The following SIRT1 variants were observed in gnomAD, a reference collection of about 807,000 sequenced individuals.
The protein encoded by SIRT1 is sirtuin 1.
A neutral mutation model predicts 67.9 loss-of-function variants in SIRT1; 24 were observed. The observed-to-expected ratio is 0.35, with a 90% CI of 0.26 to 0.50. The LOEUF (loss-of-function observed/expected upper bound fraction) is 0.50, where lower values mean the gene tolerates loss of function less well. SIRT1 is among the 20% of genes least tolerant of loss of function. The probability of loss-of-function intolerance (pLI) is 0.98; values close to 1 mark genes in which losing one functional copy is unlikely to be tolerated. For missense variants in SIRT1, 873 were observed against 937.2 expected (o/e 0.93, Z 0.89); for synonymous variants, 378 against 350.7 (o/e 1.08, Z -0.87).
At chr10:67,914,107 T>C (rs1249028498) in intron 8 of SIRT1, among the ~76,000 whole-genome samples, 2 of 128,418 alleles carry the variant, frequency 1.6e-5, no homozygotes, top group Non-Finnish European at 3.1e-5. Flanking sequence ...AGTCTCACTC[T>C]GTCGCCCAGG....
chr10:67,890,411 C>T (rs1349591903), intron 3 of SIRT1, among the ~76,000 whole-genome samples: 1 of 151,934 alleles, frequency 6.6e-6, no homozygotes, highest in Non-Finnish European at 1.5e-5. Flanking sequence ...GTAATAGAAT[C>T]CTAACTAAAG....
At position 67,914,059 on chromosome 10, in the gene SIRT1, A is replaced by ATTTTTTT. The variant is rs57073724; in HGVS notation, c.1915+1052_1915+1058dup. 3.9e-4 allele frequency among the ~76,000 whole-genome samples: 34 copies of ATTTTTTT among 88,246 alleles called. 2 individuals carry two copies. The highest frequency in any genetic ancestry group is 1.7e-3 in the African/African-American group (33 of 19,460). The allele number at this position is 88,246 out of a possible 152,430, so 57.9% of individuals were successfully genotyped here. On this transcript the variant is annotated intron_variant, in intron 8 of 8. Transcript: ENST00000212015. ...GAACAAAACATCACACAAAAGGTAG[A>ATTTTTTT]TTTTTTTTTTTTTTTTTTTTTTTTT...
At chr10:67,889,791 T>C (rs1842540175) in intron 3 of SIRT1, among the ~76,000 whole-genome samples, 1 of 152,136 alleles carries the variant, frequency 6.6e-6, no homozygotes, top group Admixed American at 6.6e-5. Context: ...TATGTTTTGC[T>C]CACAGATAAC....
intron 4 of SIRT1, among the ~76,000 whole-genome samples, chr10:67,899,373 A>G (rs1589075905): frequency 6.6e-6 from 1 of 151,602 alleles, no homozygotes; most frequent in East Asian, 1.9e-4. Context: ...TCTGATACCC[A>G]GACGTGTGCA....
chr10:67,901,350 A>G (rs1842741992), intron 4 of SIRT1, among the ~76,000 whole-genome samples: 1 of 151,948 alleles, frequency 6.6e-6, no homozygotes, highest in Admixed American at 6.6e-5. Context: ...TGCCCAGTCC[A>G]GTGCTGGATT....
chr10:67,914,544 T>A (rs1365570163), intron 8 of SIRT1, among the ~76,000 whole-genome samples: 1 of 152,134 alleles, frequency 6.6e-6, no homozygotes, highest in African/African-American at 2.4e-5. Context: ...GTAGAAAAAT[T>A]GCTACTGACT....
intron 4 of SIRT1, among the ~76,000 whole-genome samples, chr10:67,904,559 C>T (rs1842792606): frequency 1.3e-5 from 2 of 152,048 alleles, no homozygotes; most frequent in African/African-American, 2.4e-5. Context: ...GTAAAACGTA[C>T]GCTTGGCCGG....
chr10:67,885,545 G>A (rs1842464596), intron 1 of SIRT1: 1 of 515,050 alleles, frequency 1.9e-6, no homozygotes, highest in African/African-American at 2.1e-5. Flanking sequence ...GCACACTTAA[G>A]TCTGCAACTT....
In SIRT1 at chr10:67,896,761, CAAAAAAAAAA is replaced by C. The variant is rs35899726; in HGVS notation, c.942+5224_942+5233del. 1.4e-3 allele frequency among the ~76,000 whole-genome samples: 82 copies of C among 56,740 alleles called. 1 individual carries two copies. Among genetic ancestry groups the C allele is most frequent in the African/African-American group, 5.0e-3 (80 of 16,050 alleles). 37.2% of individuals were successfully genotyped at this position (56,740 alleles called of 152,430 possible). A position where few individuals can be genotyped will look rare whatever the true frequency, so the allele number is the denominator to read the frequency against. On this transcript the variant is annotated intron_variant, in intron 4 of 8. Coordinates refer to ENST00000212015, the MANE Select transcript of SIRT1 (RefSeq NM_012238.5). ...TGGGTGACAAAGCAAGAATCTGTCTCAAAAAAAAAAAAAAAAAAAAAAAAAATTCGCTGGT... is the reference window on the plus strand; with the variant it reads ...TGGGTGACAAAGCAAGAATCTGTCTCAAAAAAAAAAAAAAAATTCGCTGGT...
intron 8 of SIRT1, among the ~76,000 whole-genome samples, chr10:67,915,813 A>G (rs547037636): frequency 1.3e-5 from 2 of 152,328 alleles, no homozygotes; most frequent in South Asian, 2.1e-4. Flanking sequence ...ATAATTGGTG[A>G]AATAACCTTT....
intron 2 of SIRT1, 86 bp from the exon 3 acceptor site, chr10:67,888,796 A>T: frequency 6.8e-7 from 1 of 1,463,402 alleles, no homozygotes; most frequent in South Asian, 1.4e-5. Context: ...AAACCCTCAC[A>T]GAATGCTAAC....
At chr10:67,885,941 C>CTTT (rs766544980) in intron 1 of SIRT1, among the ~76,000 whole-genome samples, 1,010 of 95,528 alleles carry the variant, frequency 0.011, 43 homozygotes, top group African/African-American at 0.023. Flanking sequence ...TTGAAGGTTT[C>CTTT]TTTTTTTTTT....
intron 8 of SIRT1, among the ~76,000 whole-genome samples, chr10:67,915,588 G>A (rs2029885958): frequency 6.6e-6 from 1 of 152,164 alleles, no homozygotes; most frequent in Non-Finnish European, 1.5e-5. Flanking sequence ...AGGTTCACAG[G>A]TGATACTGTA....
intron 4 of SIRT1, among the ~76,000 whole-genome samples, chr10:67,894,009 T>C (rs1354774712): frequency 1.3e-5 from 2 of 152,196 alleles, no homozygotes; most frequent in Non-Finnish European, 1.5e-5. Context: ...ATGCAGTAGC[T>C]CGTGCCTATA....
At chr10:67,900,282 A>G (rs1656854207) in intron 4 of SIRT1, among the ~76,000 whole-genome samples, 1 of 151,862 alleles carries the variant, frequency 6.6e-6, no homozygotes, top group Non-Finnish European at 1.5e-5. Context: ...GGTAGCTGAG[A>G]TTACAGGTGT....
chr10:67,916,372 A>G lies in SIRT1; in HGVS notation c.2023A>G (p.Ser675Gly), dbSNP rs759347614. 3 of 1,614,204 alleles carry G rather than the reference A, an allele frequency of 1.9e-6. No homozygotes were observed. Among genetic ancestry groups the G allele is most frequent in the Non-Finnish European group, 1.7e-6 (2 of 1,180,024 alleles). ...ATCCTCTAGTTCTTGTGGCAGTAAC[A>G]GTGATAGTGGGACATGCCAGAGTCC... ...VLSSSSCGSNSDSGTCQSPSL... is the reference protein window; with the variant it reads ...VLSSSSCGSNGDSGTCQSPSL... The change falls in exon 9 of 9, where the codon AGT becomes GGT. Residue 675 changes from serine to glycine, a missense_variant. Ser to Gly is a moderately conservative substitution (Grantham distance 56, BLOSUM62 0). Transcript: ENST00000212015.
intron 8 of SIRT1, among the ~76,000 whole-genome samples, chr10:67,913,491 TAAC>T (rs1167462270): frequency 6.6e-6 from 1 of 152,232 alleles, no homozygotes; most frequent in Non-Finnish European, 1.5e-5. Flanking sequence ...CCTGCCCCCT[TAAC>T]TACTATGCGG....
intron 2 of SIRT1, among the ~76,000 whole-genome samples, chr10:67,887,807 C>G (rs1336648106): frequency 2.0e-5 from 3 of 152,204 alleles, no homozygotes; most frequent in African/African-American, 7.2e-5. Flanking sequence ...AACTCCCGAC[C>G]TCAGGTGATC....
chr10:67,903,206 C>T (rs555862388), intron 4 of SIRT1, among the ~76,000 whole-genome samples: 1 of 152,286 alleles, frequency 6.6e-6, no homozygotes, highest in East Asian at 1.9e-4. Context: ...GTGATTCTCC[C>T]TCCTCTGTCT....
Sources: gnomAD v4.1 joint callset for allele counts (sites outside exome capture counted in the v4.1 genomes callset) on GRCh38, gnomAD v4.1.1 for gene constraint, MANE v1.5 for transcripts, NCBI Gene and HGNC (gene_info 2026-07-23, HGNC 2026-07-21) for gene names.